MYOCD: variants seen among roughly 807,000 people sequenced by gnomAD.
The protein encoded by MYOCD is myocardin.
MYOCD carries 32 observed loss-of-function variants against 96.1 expected under a neutral mutation model. The observed-to-expected ratio is 0.33, with a 90% CI of 0.25 to 0.45. The LOEUF (loss-of-function observed/expected upper bound fraction) is 0.45, where lower values mean the gene tolerates loss of function less well. Ranked by LOEUF, MYOCD falls within the 20% of genes least tolerant of loss-of-function variation. The pLI is 1.00. For synonymous variants in MYOCD, 469 were observed against 469.0 expected (o/e 1.00, Z 0.00); for missense variants, 1,133 against 1,200.6 (o/e 0.94, Z 0.83).
intron 7 of MYOCD, 122 bp downstream of exon 7, chr17:12,739,450 G>A (rs1218568090): frequency 3.4e-6 from 4 of 1,171,248 alleles, no homozygotes; most frequent in African/African-American, 1.6e-5. Flanking sequence ...CCCAGGCAGA[G>A]GTTCAGCTCA....
chr17:12,750,966 T>A (rs915256519), intron 9 of MYOCD, among the ~76,000 whole-genome samples: 1 of 152,212 alleles, frequency 6.6e-6, no homozygotes, highest in Non-Finnish European at 1.5e-5. Flanking sequence ...ACTTTATTAT[T>A]TGTGTCACAA....
At chr17:12,722,510 C>T (rs1379753574) in intron 4 of MYOCD, among the ~76,000 whole-genome samples, 1 of 152,172 alleles carries the variant, frequency 6.6e-6, no homozygotes, top group Non-Finnish European at 1.5e-5. Context: ...ACTATGCAGA[C>T]CAAATGTGCA....
chr17:12,674,584 G>A lies in MYOCD; in HGVS notation c.55+8341G>A, dbSNP rs144763886. Among the ~76,000 whole-genome samples, 117 of 152,286 alleles carry A rather than the reference G, an allele frequency of 7.7e-4. 3 individuals are homozygous for A. The East Asian group carries it at 0.021, about 27-fold the overall frequency. On this transcript the variant is annotated intron_variant, in intron 1 of 13. Coordinates refer to ENST00000425538, the MANE Select transcript of MYOCD (RefSeq NM_001146312.3). ...AAATATCTAGGAGTTAGTACCAGAA[G>A]TAAAACAGACAATTATTATCAGTGG... is the stretch of plus-strand genomic sequence containing the variant.
At chr17:12,750,548 G>T (rs1024573271) in intron 9 of MYOCD, among the ~76,000 whole-genome samples, 1 of 152,114 alleles carries the variant, frequency 6.6e-6, no homozygotes, top group African/African-American at 2.4e-5. Flanking sequence ...AATTAGCCCG[G>T]TGTGGTGGTG....
chr17:12,756,176 C>T (rs1189736107), intron 10 of MYOCD, among the ~76,000 whole-genome samples: 2 of 152,166 alleles, frequency 1.3e-5, no homozygotes, highest in East Asian at 3.9e-4. Flanking sequence ...GTCTTGAACA[C>T]CCATCCGGTT....
In MYOCD at chr17:12,696,778, C is replaced by T. The variant is rs191106511; in HGVS notation, c.56-8350C>T. Among the ~76,000 whole-genome samples the T allele has an allele frequency of 3.9e-5, 6 of 152,242 alleles. No individual in the cohort carries two copies. The East Asian group carries it at 5.8e-4, about 15-fold the overall frequency. ...CTGCTGATACTCCTCCCAGATTAGG[C>T]GATTCTTGATTGTACGCTAACATCG... is the stretch of plus-strand genomic sequence containing the variant. On this transcript the variant is annotated intron_variant, in intron 1 of 13. Coordinates refer to ENST00000425538, the MANE Select transcript of MYOCD (RefSeq NM_001146312.3).
intron 8 of MYOCD, among the ~76,000 whole-genome samples, chr17:12,745,451 C>T (rs2032635265): frequency 6.6e-6 from 1 of 152,128 alleles, no homozygotes; most frequent in Admixed American, 6.6e-5. Context: ...TCAGGTGATC[C>T]ACCCGCCTCG....
Position 12,756,291 on chromosome 17 carries a change from G to A in MYOCD, c.2059-123G>A, listed in dbSNP as rs1967336807. 8.6e-6 allele frequency: 10 copies of A among 1,160,318 alleles called. No individual in the cohort carries two copies. The Admixed American group carries it at 2.0e-4, about 23-fold the overall frequency. The allele number at this position is 1,160,318 out of a possible 1,614,324, so 71.9% of individuals were successfully genotyped here. On this transcript the variant is annotated intron_variant, in intron 10 of 13. Transcript: ENST00000425538. The stretch of plus-strand genomic sequence containing the variant: ...TTTTAGGCAAGTTCATCTGGTAATG[G>A]AATTTAGGAAGGTTTGTAAAAATGA...
intron 10 of MYOCD, 90 bp from the exon 11 acceptor site, chr17:12,756,324 G>A (rs1031405749): frequency 4.9e-6 from 7 of 1,419,532 alleles, no homozygotes; most frequent in Non-Finnish European, 6.8e-6. Flanking sequence ...TGACACCAGG[G>A]GACACAGGGC....
intron 5 of MYOCD, among the ~76,000 whole-genome samples, chr17:12,730,809 G>A (rs1192764094): frequency 6.6e-6 from 1 of 152,198 alleles, no homozygotes; most frequent in Non-Finnish European, 1.5e-5. Context: ...CTCACAGGTT[G>A]ATAAGGAAGG....
intron 1 of MYOCD, among the ~76,000 whole-genome samples, chr17:12,684,569 G>A (rs115273682): frequency 4.6e-5 from 7 of 152,280 alleles, no homozygotes; most frequent in South Asian, 4.2e-4. Flanking sequence ...AATGGTGACC[G>A]GGTGCAGTGG....
chr17:12,689,779 C>T (rs527356816), intron 1 of MYOCD, among the ~76,000 whole-genome samples: 28 of 151,720 alleles, frequency 1.8e-4, no homozygotes, highest in East Asian at 9.7e-4. Context: ...TGCAGTGGGC[C>T]GAGATCACAC....
chr17:12,748,888 A>C (rs557337067), intron 9 of MYOCD, among the ~76,000 whole-genome samples: 1 of 151,484 alleles, frequency 6.6e-6, no homozygotes, highest in Non-Finnish European at 1.5e-5. Context: ...AAGTTAATTC[A>C]ATCCTTTCCT....
intron 1 of MYOCD, among the ~76,000 whole-genome samples, chr17:12,682,315 T>C (rs908081684): frequency 1.3e-5 from 2 of 152,206 alleles, no homozygotes; most frequent in Non-Finnish European, 2.9e-5. Context: ...ACATATGATG[T>C]GTGCCACACA....
chr17:12,693,195 A>G (rs2030547291), intron 1 of MYOCD, among the ~76,000 whole-genome samples: 1 of 152,130 alleles, frequency 6.6e-6, no homozygotes, highest in South Asian at 2.1e-4. Context: ...CTTCTTTAGG[A>G]AGGTACATGC....
rs28730830 is a variant in MYOCD, at chr17:12,763,422, G to A, written c.2739G>A (p.Gln913=). The A allele has an allele frequency of 3.5e-3, 5,673 of 1,611,976 alleles. 170 individuals carry two copies. In the African/African-American group the frequency reaches 0.06, roughly 17 times the overall value. ...TGCCAGGCCCCCTCTCTCCAATGCA[G>A]ACACAGTTTTCACCCTCTTCTGTGG... ...EILPGPLSPM[Q]TQFSPSSVDS... Residue 913 remains glutamine, a synonymous_variant, in exon 14 of 14, where the codon CAG becomes CAA. Transcript: ENST00000425538.
Position 12,763,688 on chromosome 17 carries a change from T to TG in MYOCD, c.*49dup. 1 of 1,526,786 alleles carries TG rather than the reference T, an allele frequency of 6.5e-7. No individual in the cohort carries two copies. Among genetic ancestry groups the TG allele is most frequent in the Non-Finnish European group, 8.9e-7 (1 of 1,120,440 alleles). 94.6% of individuals were successfully genotyped at this position (1,526,786 alleles called of 1,614,324 possible). A position where few individuals can be genotyped will look rare whatever the true frequency, so the allele number is the denominator to read the frequency against. ...GCTATGGAAGACCAATGGAGTTCCA[T>TG]GGGGGAAAGCACACAGCCATACATA... is the stretch of plus-strand genomic sequence containing the variant. On this transcript the variant is annotated 3_prime_UTR_variant, in exon 14 of 14. Coordinates refer to ENST00000425538, the MANE Select transcript of MYOCD (RefSeq NM_001146312.3).
At chr17:12,702,178 ATTCC>A (rs2031102587) in intron 1 of MYOCD, among the ~76,000 whole-genome samples, 1 of 152,096 alleles carries the variant, frequency 6.6e-6, no homozygotes, top group Admixed American at 6.5e-5. Flanking sequence ...TTGTCTATTT[ATTCC>A]TTTAATTCTG....
chr17:12,728,172 G>A (rs117597536), intron 5 of MYOCD, among the ~76,000 whole-genome samples: 1,900 of 152,236 alleles, frequency 0.012, 15 homozygotes, highest in South Asian at 0.027. Context: ...TTTATGAGTG[G>A]TAATTATTAC....
Sources: gnomAD v4.1 joint callset for allele counts (sites outside exome capture counted in the v4.1 genomes callset) on GRCh38, gnomAD v4.1.1 for gene constraint, MANE v1.5 for transcripts, NCBI Gene and HGNC (gene_info 2026-07-23, HGNC 2026-07-21) for gene names.